The following ULK4 variants were observed in gnomAD, a reference collection of about 807,000 sequenced individuals.
The protein encoded by ULK4 is unc-51 like kinase 4.
In ULK4, 133 loss-of-function variants were observed where a neutral mutation model predicts 160.6. The observed-to-expected ratio is 0.83, with a 90% CI of 0.72 to 0.96. The LOEUF (loss-of-function observed/expected upper bound fraction) is 0.96. Ranked by LOEUF, ULK4 falls within the 40% of genes least tolerant of loss-of-function variation. The pLI is 0.00. For synonymous variants in ULK4, 534 were observed against 539.8 expected, an observed-to-expected ratio of 0.99 and a Z score of 0.15; for missense variants, 1,580 against 1,499.5, an observed-to-expected ratio of 1.05 and a Z score of -0.89.
intron 31 of ULK4, 132 bp from the exon 32 acceptor site, chr3:41,566,262 T>G: frequency 1.4e-6 from 1 of 714,974 alleles, no homozygotes; most frequent in Admixed American, 2.8e-5. Context: ...TGCACTTTAA[T>G]GAAGCACATC....
intron 17 of ULK4, among the ~76,000 whole-genome samples, chr3:41,855,444 G>T (rs2042313817): frequency 6.6e-6 from 1 of 152,102 alleles, no homozygotes; most frequent in South Asian, 2.1e-4. Context: ...TTTATCAAGG[G>T]TTATATGACA....
At chr3:41,784,375 G>A (rs964840136) in intron 21 of ULK4, among the ~76,000 whole-genome samples, 14 of 151,892 alleles carry the variant, frequency 9.2e-5, no homozygotes, top group East Asian at 3.9e-4. Context: ...CGGAGGTTGC[G>A]GTGAGCCGAG....
intron 25 of ULK4, among the ~76,000 whole-genome samples, chr3:41,713,093 A>C (rs994500084): frequency 6.6e-6 from 1 of 152,076 alleles, no homozygotes; most frequent in Non-Finnish European, 1.5e-5. Flanking sequence ...AAAAGAAAAA[A>C]AAAAGCCCTC....
At chr3:41,648,675 C>A (rs1385411925) in intron 30 of ULK4, among the ~76,000 whole-genome samples, 1 of 152,168 alleles carries the variant, frequency 6.6e-6, no homozygotes, top group African/African-American at 2.4e-5. Context: ...AGCTCAATTA[C>A]CCCTCTCCAC....
intron 17 of ULK4, among the ~76,000 whole-genome samples, chr3:41,861,905 T>C (rs983123297): frequency 6.6e-6 from 1 of 152,086 alleles, no homozygotes; most frequent in Non-Finnish European, 1.5e-5. Flanking sequence ...CACTGCAACC[T>C]CCACCTCCAG....
At chr3:41,652,272 AT>A (rs1239779753) in intron 30 of ULK4, among the ~76,000 whole-genome samples, 1 of 152,230 alleles carries the variant, frequency 6.6e-6, no homozygotes, top group African/African-American at 2.4e-5. Context: ...GCTTAGATCA[AT>A]TACCTTTGAT....
intron 30 of ULK4, among the ~76,000 whole-genome samples, chr3:41,659,359 T>C (rs1296682211): frequency 6.6e-6 from 1 of 152,214 alleles, no homozygotes; most frequent in African/African-American, 2.4e-5. Flanking sequence ...GGTGTATTTG[T>C]GCAATGGAAA....
intron 31 of ULK4, among the ~76,000 whole-genome samples, chr3:41,593,703 C>A (rs1027778266): frequency 7.2e-5 from 11 of 152,190 alleles, no homozygotes; most frequent in Non-Finnish European, 2.9e-5. Context: ...AGTTTTTATA[C>A]AATGATGATC....
chr3:41,446,236 A>T (rs548231566), intron 34 of ULK4, among the ~76,000 whole-genome samples: 14 of 152,280 alleles, frequency 9.2e-5, no homozygotes, highest in East Asian at 5.8e-4. Context: ...ACAGGTGCCG[A>T]AGAGGATGTG....
At chr3:41,915,637 G>A (rs1218728598) in intron 8 of ULK4, among the ~76,000 whole-genome samples, 1 of 152,096 alleles carries the variant, frequency 6.6e-6, no homozygotes, top group Non-Finnish European at 1.5e-5. Flanking sequence ...TAGTCAAACA[G>A]TTTTAGCCTG....
intron 32 of ULK4, among the ~76,000 whole-genome samples, chr3:41,560,735 G>A (rs1307390533): frequency 1.3e-5 from 2 of 152,206 alleles, no homozygotes; most frequent in African/African-American, 4.8e-5. Flanking sequence ...CTTTGCTGAA[G>A]TTGCTTATCA....
intron 17 of ULK4, among the ~76,000 whole-genome samples, chr3:41,843,500 G>A (rs746303241): frequency 6.6e-5 from 10 of 152,066 alleles, no homozygotes; most frequent in South Asian, 2.1e-4. Context: ...GGTGGGGTTC[G>A]TGGTTTCACT....
At chr3:41,472,639 C>T (rs749821119) in intron 32 of ULK4, among the ~76,000 whole-genome samples, 20 of 151,830 alleles carry the variant, frequency 1.3e-4, no homozygotes, top group East Asian at 1.9e-4. Context: ...AAAAGTCTTC[C>T]GTCAAAGAAA....
chr3:41,657,730 T>A lies in ULK4; in HGVS notation c.3071+5877A>T, dbSNP rs1357161044. 2.0e-5 allele frequency among the ~76,000 whole-genome samples: 3 copies of A among 149,720 alleles called. No individual in the cohort carries two copies. The East Asian group carries it at 5.8e-4, about 29-fold the overall frequency. On this transcript the variant is annotated intron_variant, in intron 30 of 36. Transcript: ENST00000301831. ...TACTCAGGAGGCAGAGGCAGAGAAT[T>A]ACTTGAACCCAGGAAGTGAAGGTTA...
At chr3:41,757,892 G>A (rs1337756969) in intron 21 of ULK4, among the ~76,000 whole-genome samples, 1 of 152,060 alleles carries the variant, frequency 6.6e-6, no homozygotes, top group African/African-American at 2.4e-5. Context: ...CTCCCAAAGT[G>A]CTGGGATCAC....
intron 31 of ULK4, among the ~76,000 whole-genome samples, chr3:41,585,795 G>T (rs929951914): frequency 6.6e-6 from 1 of 152,052 alleles, no homozygotes; most frequent in African/African-American, 2.4e-5. Context: ...TATCTACATT[G>T]TATAAAAAAC....
intron 2 of ULK4, among the ~76,000 whole-genome samples, chr3:41,943,095 C>G (rs1437728121): frequency 6.6e-6 from 1 of 151,800 alleles, no homozygotes; most frequent in African/African-American, 2.4e-5. Context: ...CACCTGTAGT[C>G]CCAGCTACTC....
intron 4 of ULK4, 67 bp downstream of exon 4, chr3:41,935,734 C>A: frequency 6.7e-7 from 1 of 1,502,782 alleles, no homozygotes; most frequent in Non-Finnish European, 8.9e-7. Context: ...AAAATAACAA[C>A]ATCTTTGAGA....
intron 5 of ULK4, among the ~76,000 whole-genome samples, chr3:41,930,923 CA>C (rs1699572392): frequency 1.3e-5 from 2 of 152,004 alleles, no homozygotes; most frequent in Admixed American, 6.6e-5. Flanking sequence ...TTGCGGAGGA[CA>C]ATTCCTCAGG....
Sources: gnomAD v4.1 joint callset for allele counts (sites outside exome capture counted in the v4.1 genomes callset) on GRCh38, gnomAD v4.1.1 for gene constraint, MANE v1.5 for transcripts, NCBI Gene and HGNC (gene_info 2026-07-23, HGNC 2026-07-21) for gene names.